Variants in THSD4 observed in about 807,000 individuals in gnomAD.
THSD4 encodes thrombospondin type-1 domain-containing protein 4.
THSD4 carries 69 observed loss-of-function variants against 119.0 expected under a neutral mutation model. That is an observed-to-expected ratio of 0.58 (90% CI 0.48 to 0.71). The LOEUF is 0.71. Among genes scored for constraint, THSD4 ranks in the 30% least tolerant of loss-of-function variants. THSD4 has a pLI of 0.00. For synonymous variants in THSD4, 524 were observed against 540.4 expected, an observed-to-expected ratio of 0.97 and a Z score of 0.42; for missense variants, 1,393 against 1,391.1, an observed-to-expected ratio of 1.00 and a Z score of -0.02.
At chr15:71,587,052 G>A (rs1198975422) in intron 7 of THSD4, among the ~76,000 whole-genome samples, 2 of 151,848 alleles carry the variant, frequency 1.3e-5, no homozygotes, top group Non-Finnish European at 2.9e-5. Flanking sequence ...TCAGAGAAAT[G>A]CAAATCAAAA....
chr15:71,147,682 T>A (rs1004477067), intron 2 of THSD4: 1 of 152,286 alleles, frequency 6.6e-6, no homozygotes, highest in African/African-American at 2.4e-5. Context: ...AGCTGTGCTG[T>A]GTAGGCCAGA....
At chr15:71,548,350 T>C (rs1333065991) in intron 7 of THSD4, among the ~76,000 whole-genome samples, 1 of 152,190 alleles carries the variant, frequency 6.6e-6, no homozygotes, top group African/African-American at 2.4e-5. Flanking sequence ...AAAGTGTATC[T>C]CCTAAAAAGG....
At chr15:71,457,696 T>C (rs1184341488) in intron 7 of THSD4, among the ~76,000 whole-genome samples, 1 of 152,196 alleles carries the variant, frequency 6.6e-6, no homozygotes, top group Non-Finnish European at 1.5e-5. Flanking sequence ...TCGATGCTTC[T>C]GTTCAGAGGG....
intron 10 of THSD4, chr15:71,732,043 C>T (rs1011498414): frequency 6.6e-6 from 1 of 152,270 alleles, no homozygotes; most frequent in Non-Finnish European, 1.5e-5. Context: ...CATCACATCT[C>T]CTCTCTGACT....
chr15:71,528,432 T>A (rs2048559006), intron 7 of THSD4, among the ~76,000 whole-genome samples: 2 of 152,164 alleles, frequency 1.3e-5, no homozygotes, highest in Non-Finnish European at 1.5e-5. Context: ...ATGGGGGAAG[T>A]ACGTGGACTT....
At chr15:71,493,440 A>G (rs1433490225) in intron 7 of THSD4, among the ~76,000 whole-genome samples, 1 of 152,194 alleles carries the variant, frequency 6.6e-6, no homozygotes, top group Non-Finnish European at 1.5e-5. Flanking sequence ...AGGTACAAAG[A>G]GCTCCTTTCA....
At chr15:71,564,143 A>G (rs549400216) in intron 7 of THSD4, among the ~76,000 whole-genome samples, 2 of 152,152 alleles carry the variant, frequency 1.3e-5, no homozygotes, top group East Asian at 3.8e-4. Flanking sequence ...GTTTCTGCCC[A>G]TTTTTCCCTC....
chr15:71,185,645 C>T (rs1358380083), intron 3 of THSD4: 2 of 152,210 alleles, frequency 1.3e-5, no homozygotes, highest in African/African-American at 4.8e-5. Flanking sequence ...ACATTCTGTT[C>T]TCTTCCTTTA....
chr15:71,435,640 C>T (rs2047003294), intron 7 of THSD4, among the ~76,000 whole-genome samples: 1 of 152,084 alleles, frequency 6.6e-6, no homozygotes, highest in African/African-American at 2.4e-5. Flanking sequence ...ATGATCCTCC[C>T]CAAAATTTAC....
intron 6 of THSD4, among the ~76,000 whole-genome samples, chr15:71,313,301 CAT>C (rs1289767567): frequency 2.0e-5 from 3 of 152,150 alleles, no homozygotes; most frequent in Non-Finnish European, 2.9e-5. Flanking sequence ...CATGTGCTCA[CAT>C]ATGTGTGTGT....
chr15:71,299,976 A>AAATATATATATATATATATATATAT (rs1555462049), intron 6 of THSD4, among the ~76,000 whole-genome samples: 3 of 48,318 alleles, frequency 6.2e-5, no homozygotes, highest in African/African-American at 2.3e-4. Context: ...AAAAAAAAAA[A>AAATATATATATATATATATATATAT]ATATATATAT....
chr15:71,378,800 T>C (rs2046185659), intron 6 of THSD4, among the ~76,000 whole-genome samples: 1 of 152,224 alleles, frequency 6.6e-6, no homozygotes, highest in African/African-American at 2.4e-5. Context: ...TGTTATTTTT[T>C]TGAGGCAGGG....
chr15:71,777,060 G>A (rs2053925957), intron 17 of THSD4, among the ~76,000 whole-genome samples, 172 bp from the exon 18 acceptor site: 1 of 152,174 alleles, frequency 6.6e-6, no homozygotes, highest in South Asian at 2.1e-4. Flanking sequence ...TTCCCTTATC[G>A]TGTTTAAAAG....
chr15:71,339,303 T>A (rs1566945968), intron 6 of THSD4, among the ~76,000 whole-genome samples: 3 of 152,256 alleles, frequency 2.0e-5, no homozygotes, highest in East Asian at 3.9e-4. Flanking sequence ...TTGATTTTTT[T>A]AATCCAGAAA....
intron 6 of THSD4, among the ~76,000 whole-genome samples, chr15:71,291,347 GC>G (rs1351809354): frequency 6.6e-6 from 1 of 152,128 alleles, no homozygotes. Flanking sequence ...TAAGGAACAG[GC>G]TCACATAGTT....
At position 71,749,697 on chromosome 15, in the gene THSD4, T is replaced by TTTTTTTTATTTATTTA. The variant is rs748022578; in HGVS notation, c.2415+1106_2415+1107insTTTTATTTATTTATTT. The stretch of plus-strand genomic sequence containing the variant: ...TTTTAATATTTTTATATTTTTAAAT[T>TTTTTTTTATTTATTTA]TTTATTTATTTATTTATTTATTTAT... On this transcript the variant is annotated intron_variant, in intron 14 of 17. Transcript: ENST00000261862. Among the ~76,000 whole-genome samples, 211 of 137,668 alleles carry TTTTTTTTATTTATTTA rather than the reference T, an allele frequency of 1.5e-3. 1 individual carries two copies. The highest frequency in any genetic ancestry group is 7.5e-3 in the Middle Eastern group (2 of 268). The allele number at this position is 137,668 out of a possible 152,430, so 90.3% of individuals were successfully genotyped here.
chr15:71,449,650 CG>C (rs36031193), intron 7 of THSD4, among the ~76,000 whole-genome samples: 42,308 of 152,054 alleles, frequency 0.28, 6,196 homozygotes, highest in Middle Eastern at 0.38. Context: ...TGATGATAAT[CG>C]GTTGTCCCCA....
At chr15:71,480,712 T>A (rs1371928600) in intron 7 of THSD4, among the ~76,000 whole-genome samples, 1 of 152,168 alleles carries the variant, frequency 6.6e-6, no homozygotes, top group Non-Finnish European at 1.5e-5. Flanking sequence ...CACATAAATG[T>A]TTTTCAAGCC....
chr15:71,163,442 C>T (rs1469236894), intron 3 of THSD4, among the ~76,000 whole-genome samples: 1 of 152,152 alleles, frequency 6.6e-6, no homozygotes, highest in Non-Finnish European at 1.5e-5. Flanking sequence ...AATACTGGCA[C>T]TTTAAGAAAA....
Sources: gnomAD v4.1 joint callset for allele counts (sites outside exome capture counted in the v4.1 genomes callset) on GRCh38, gnomAD v4.1.1 for gene constraint, MANE v1.5 for transcripts, NCBI Gene and HGNC (gene_info 2026-07-23, HGNC 2026-07-21) for gene names.